LDB2: variants seen among roughly 807,000 people sequenced by gnomAD.
LDB2 encodes LIM domain-binding protein 2.
A neutral mutation model predicts 44.3 loss-of-function variants in LDB2; 12 were observed. That is an observed-to-expected ratio of 0.27 (90% CI 0.17 to 0.44). The LOEUF (loss-of-function observed/expected upper bound fraction) is 0.44. LDB2 is among the 20% of genes least tolerant of loss of function. LDB2 has a pLI of 1.00. For synonymous variants in LDB2, 164 were observed against 174.8 expected (o/e 0.94, Z 0.49); for missense variants, 344 against 473.5 (o/e 0.73, Z 2.54).
chr4:16,835,530 G>A (rs1322567079), intron 1 of LDB2, among the ~76,000 whole-genome samples: 5 of 152,078 alleles, frequency 3.3e-5, no homozygotes, highest in Admixed American at 3.3e-4. Flanking sequence ...TCCCTGCCAT[G>A]GTTTCTGACT....
chr4:16,641,122 C>A (rs894310478), intron 2 of LDB2, among the ~76,000 whole-genome samples: 1 of 151,874 alleles, frequency 6.6e-6, no homozygotes, highest in Admixed American at 6.6e-5. Context: ...GGGAGTTTGG[C>A]AGTAGAGGAG....
chr4:16,603,211 A>C (rs970066858), intron 2 of LDB2, among the ~76,000 whole-genome samples: 2 of 152,230 alleles, frequency 1.3e-5, no homozygotes, highest in Admixed American at 6.5e-5. Context: ...TGGACTTCTT[A>C]ACATGAATCA....
At chr4:16,557,358 T>G (rs1740075919) in intron 5 of LDB2, among the ~76,000 whole-genome samples, 2 of 152,194 alleles carry the variant, frequency 1.3e-5, no homozygotes, top group Admixed American at 1.3e-4. Context: ...ACTCCCACCC[T>G]AATACTGCAC....
intron 3 of LDB2, among the ~76,000 whole-genome samples, chr4:16,589,686 G>A (rs1264783118): frequency 6.6e-6 from 1 of 152,030 alleles, no homozygotes; most frequent in African/African-American, 2.4e-5. Context: ...ACGAACCGCT[G>A]AGCCTATTTC....
chr4:16,735,088 C>G (rs1761609441), intron 2 of LDB2, among the ~76,000 whole-genome samples: 2 of 152,276 alleles, frequency 1.3e-5, no homozygotes, highest in South Asian at 2.1e-4. Context: ...GTCATCATTC[C>G]TCCATGACAG....
chr4:16,747,973 A>G (rs2031805125), intron 2 of LDB2, among the ~76,000 whole-genome samples: 1 of 152,106 alleles, frequency 6.6e-6, no homozygotes, highest in African/African-American at 2.4e-5. Flanking sequence ...ACTGCAAATA[A>G]GATTATTCAA....
intron 2 of LDB2, among the ~76,000 whole-genome samples, chr4:16,645,513 C>T (rs1578441272): frequency 2.1e-5 from 3 of 142,920 alleles, no homozygotes; most frequent in Non-Finnish European, 3.0e-5. Context: ...GTCCGCAGTC[C>T]GGCCTGGGCG....
Position 16,522,060 on chromosome 4 carries a change from T to TA in LDB2, c.616-9957dup, listed in dbSNP as rs564235698. Among the ~76,000 whole-genome samples, 46 of 152,280 alleles carry TA rather than the reference T, an allele frequency of 3.0e-4. 2 individuals carry two copies. In the South Asian group the frequency reaches 9.5e-3, roughly 32 times the overall value. ...AGTCTCCCCATCGGCAAGATTGGTATAACAATAGTAACTAACTAGTGGGGT... is the reference window on the plus strand; with the variant it reads ...AGTCTCCCCATCGGCAAGATTGGTATAAACAATAGTAACTAACTAGTGGGGT... On this transcript the variant is annotated intron_variant, in intron 5 of 7. Transcript: ENST00000304523.
intron 2 of LDB2, among the ~76,000 whole-genome samples, chr4:16,619,306 A>G (rs1436637424): frequency 6.6e-6 from 1 of 152,186 alleles, no homozygotes; most frequent in Non-Finnish European, 1.5e-5. Context: ...GACCCTGATC[A>G]GGAGAACTCC....
rs1578554792 is a variant in LDB2, at chr4:16,660,098, C to T, written c.236-64223G>A. ...TGGCATCTCAGGGGTAGATGTATAC[C>T]ACAACACACAGAGAAAGAATGACAT... On this transcript the variant is annotated intron_variant, in intron 2 of 7. Coordinates refer to ENST00000304523, the MANE Select transcript of LDB2 (RefSeq NM_001290.5). Among the ~76,000 whole-genome samples the T allele has an allele frequency of 2.6e-5, 4 of 152,106 alleles. No homozygotes were observed. The South Asian group carries it at 8.3e-4, about 32-fold the overall frequency.
At chr4:16,802,564 T>G (rs1388175462) in intron 1 of LDB2, among the ~76,000 whole-genome samples, 1 of 152,144 alleles carries the variant, frequency 6.6e-6, no homozygotes, top group South Asian at 2.1e-4. Context: ...CAAAAGGGAT[T>G]AAAAGAAACA....
At chr4:16,779,567 C>T (rs1227955150) in intron 1 of LDB2, among the ~76,000 whole-genome samples, 1 of 152,112 alleles carries the variant, frequency 6.6e-6, no homozygotes, top group Middle Eastern at 3.2e-3. Flanking sequence ...AGGTGAGTAA[C>T]CTGGAGAAAA....
In LDB2 at chr4:16,831,351, G is replaced by A. The variant is rs114271623; in HGVS notation, c.132+67003C>T. Among the ~76,000 whole-genome samples the A allele has an allele frequency of 4.6e-3, 702 of 152,092 alleles. 7 individuals carry two copies. The highest frequency in any genetic ancestry group is 0.016 in the African/African-American group (664 of 41,456). The stretch of plus-strand genomic sequence containing the variant: ...CGGGTCACATAGATCTCACAGCAAA[G>A]TTTTAGGTTTTCTTTTGAGTAATAT... On this transcript the variant is annotated intron_variant, in intron 1 of 7. Transcript: ENST00000304523.
In LDB2 at chr4:16,533,846, C is replaced by T. The variant is rs1166465360; in HGVS notation, c.616-21742G>A. The stretch of plus-strand genomic sequence containing the variant: ...CCTCTAAGCAAGAGAGTATTTAATG[C>T]TTCCAGGCCAGTTCATGCCTACCGA... On this transcript the variant is annotated intron_variant, in intron 5 of 7. Transcript: ENST00000304523. The surrounding 1 kb of genome is among the most constrained non-coding windows in gnomAD (Gnocchi z 4.1). 1.3e-5 allele frequency among the ~76,000 whole-genome samples: 2 copies of T among 152,186 alleles called. No individual in the cohort carries two copies. Among genetic ancestry groups the T allele is most frequent in the Non-Finnish European group, 2.9e-5 (2 of 68,032 alleles).
chr4:16,791,523 C>T (rs1236383406), intron 1 of LDB2, among the ~76,000 whole-genome samples: 1 of 126,282 alleles, frequency 7.9e-6, no homozygotes, highest in Non-Finnish European at 1.6e-5. Flanking sequence ...CCTCAGCACT[C>T]CAGCCCGGGC....
In LDB2 at chr4:16,582,829, G is replaced by A. The variant is rs1338709901; in HGVS notation, c.615+3093C>T. Among the ~76,000 whole-genome samples the A allele has an allele frequency of 1.3e-5, 2 of 152,162 alleles. No homozygotes were observed. Among genetic ancestry groups the A allele is most frequent in the Admixed American group, 1.3e-4 (2 of 15,278 alleles). On this transcript the variant is annotated intron_variant, in intron 5 of 7. Transcript: ENST00000304523. The surrounding 1 kb of genome is among the most constrained non-coding windows in gnomAD (Gnocchi z 4.8). ...CAGCTCCACTGGGACCACCAAGTCAGCCATCATCGTACCTCTTAGCTCGGG... is the reference window on the plus strand; with the variant it reads ...CAGCTCCACTGGGACCACCAAGTCAACCATCATCGTACCTCTTAGCTCGGG...
At chr4:16,869,950 C>G (rs886934309) in intron 1 of LDB2, among the ~76,000 whole-genome samples, 6 of 152,196 alleles carry the variant, frequency 3.9e-5, no homozygotes, top group African/African-American at 1.4e-4. Flanking sequence ...GCAGTATTTT[C>G]TTAGCCATGT....
intron 1 of LDB2, among the ~76,000 whole-genome samples, chr4:16,873,175 C>G (rs1455371312): frequency 2.0e-5 from 3 of 152,096 alleles, no homozygotes; most frequent in Non-Finnish European, 2.9e-5. Flanking sequence ...AGACCTGGAG[C>G]CTTGGGATGA....
chr4:16,862,356 G>A (rs542212141), intron 1 of LDB2, among the ~76,000 whole-genome samples: 19 of 151,948 alleles, frequency 1.3e-4, no homozygotes, highest in South Asian at 1.0e-3. Context: ...AGCCCTGGCC[G>A]GGCGTGCTGG....
Sources: allele counts gnomAD v4.1 joint callset (sites outside exome capture counted in the v4.1 genomes callset), GRCh38; gene constraint gnomAD v4.1.1; non-coding constraint Gnocchi (gnomAD v3.1); transcripts MANE v1.5; gene names NCBI Gene and HGNC (gene_info 2026-07-23, HGNC 2026-07-21).